TPRG1: variants seen among roughly 807,000 people sequenced by gnomAD.
TPRG1 encodes tumor protein p63 regulated 1.
A neutral mutation model predicts 29.3 loss-of-function variants in TPRG1; 29 were observed. The observed-to-expected ratio is 0.99, with a 90% CI of 0.74 to 1.35. The LOEUF (loss-of-function observed/expected upper bound fraction) is 1.35. Ranked by LOEUF, TPRG1 falls within the 40% of genes most tolerant of loss-of-function variation. The pLI is 0.00. For missense variants in TPRG1, 327 were observed against 335.0 expected, an observed-to-expected ratio of 0.98 and a Z score of 0.19; for synonymous variants, 130 against 116.8, an observed-to-expected ratio of 1.11 and a Z score of -0.73.
chr3:189,228,148 G>A (rs944830699), intron 3 of TPRG1, among the ~76,000 whole-genome samples: 14 of 152,034 alleles, frequency 9.2e-5, no homozygotes, highest in African/African-American at 2.9e-4. Context: ...CAACAACGAC[G>A]ACAACAACAA....
chr3:189,128,803 CTTG>C (rs1370857437), intron 2 of TPRG1, among the ~76,000 whole-genome samples: 1 of 152,126 alleles, frequency 6.6e-6, no homozygotes, highest in Admixed American at 6.5e-5. Flanking sequence ...GAGTTTCGCT[CTTG>C]TTGTCCAGGC....
intron 3 of TPRG1, among the ~76,000 whole-genome samples, chr3:189,236,035 A>T (rs958832525): frequency 6.6e-5 from 10 of 152,224 alleles, no homozygotes; most frequent in African/African-American, 2.4e-4. Context: ...GGAATATGCA[A>T]TTTAATGTTT....
At chr3:189,248,369 T>C (rs1741663721) in intron 4 of TPRG1, among the ~76,000 whole-genome samples, 2 of 151,860 alleles carry the variant, frequency 1.3e-5, no homozygotes, top group Admixed American at 6.6e-5. Context: ...GTGTGAGGAT[T>C]CTGTTAGCTA....
chr3:189,059,452 T>C (rs59679783), intron 4 of TPRG1, among the ~76,000 whole-genome samples: 5,456 of 151,756 alleles, frequency 0.036, 325 homozygotes, highest in African/African-American at 0.13. Context: ...ATTAGCTGGG[T>C]GTGGTGGCAT....
intron 4 of TPRG1, among the ~76,000 whole-genome samples, chr3:189,304,094 G>A (rs1721250595): frequency 6.9e-6 from 1 of 145,078 alleles, no homozygotes; most frequent in African/African-American, 2.6e-5. Flanking sequence ...TATTCATTAA[G>A]TTATCCCTTG....
intron 4 of TPRG1, among the ~76,000 whole-genome samples, chr3:189,249,918 C>T (rs898249796): frequency 6.6e-6 from 1 of 152,098 alleles, no homozygotes; most frequent in Admixed American, 6.6e-5. Flanking sequence ...AGAAAATATG[C>T]TTCCAGTTTA....
chr3:189,214,962 A>ATTTTATATATATATATATAT, intron 2 of TPRG1, among the ~76,000 whole-genome samples: 7 of 147,472 alleles, frequency 4.7e-5, no homozygotes, highest in African/African-American at 1.0e-4. Flanking sequence ...GGTTTAATTT[A>ATTTTATATATATATATATAT]AAAATGTACA....
intron 4 of TPRG1, among the ~76,000 whole-genome samples, chr3:189,252,463 C>G (rs966084825): frequency 2.0e-5 from 3 of 152,012 alleles, no homozygotes; most frequent in African/African-American, 7.2e-5. Context: ...AAATGGGAGC[C>G]CTAAATCTTA....
At chr3:189,156,272 G>GA (rs1726652474) in intron 5 of TPRG1, among the ~76,000 whole-genome samples, 1 of 151,548 alleles carries the variant, frequency 6.6e-6, no homozygotes, top group Admixed American at 6.6e-5. Flanking sequence ...TCTAGAAGCC[G>GA]AAAAAATCAA....
At position 189,320,698 on chromosome 3, in the gene TPRG1, G is replaced by T. The variant is rs766263563; in HGVS notation, c.706G>T (p.Gly236Ter). Reference protein sequence around the residue: ...AHKNSTGSGRGKKLMVLTEPI... With the variant: ...AHKNSTGSGR ...CAAGAATTCAACTGGATCTGGAAGA[G>T]GAAAGAAACTGATGGTGTTAACTGA... Residue 236 changes from glycine to a stop codon, truncating the protein, a stop_gained, in exon 6 of 6, where the codon GGA becomes TGA. Coordinates refer to ENST00000345063, the MANE Select transcript of TPRG1 (RefSeq NM_198485.4). LOFTEE classifies it high-confidence loss of function. The T allele has an allele frequency of 6.2e-7, 1 of 1,612,750 alleles. No homozygotes were observed. Among genetic ancestry groups the T allele is most frequent in the Non-Finnish European group, 8.5e-7 (1 of 1,179,322 alleles).
chr3:189,256,672 T>G (rs1384226355), intron 4 of TPRG1, among the ~76,000 whole-genome samples: 1 of 152,224 alleles, frequency 6.6e-6, no homozygotes, highest in Non-Finnish European at 1.5e-5. Context: ...GAACTTGCTT[T>G]ATGAATCTGG....
intron 5 of TPRG1, 37 bp from the exon 6 acceptor site, chr3:189,320,589 A>T: frequency 6.5e-7 from 1 of 1,549,228 alleles, no homozygotes; most frequent in African/African-American, 1.4e-5. Flanking sequence ...CTTAATCTAC[A>T]GTAACTAACT....
At chr3:189,021,247 G>T (rs1037811480) in intron 3 of TPRG1, among the ~76,000 whole-genome samples, 1 of 150,552 alleles carries the variant, frequency 6.6e-6, no homozygotes, top group Non-Finnish European at 1.5e-5. Context: ...AGTTAATATT[G>T]TTATGTGTGA....
upstream of TPRG1, among the ~76,000 whole-genome samples, chr3:189,171,797 G>GA (rs1296373714): frequency 6.6e-6 from 1 of 152,184 alleles, no homozygotes; most frequent in Non-Finnish European, 1.5e-5. Flanking sequence ...GGAGTTGGCA[G>GA]AAAAATGCAG....
intron 3 of TPRG1, among the ~76,000 whole-genome samples, chr3:189,234,841 A>C (rs1430056927): frequency 6.6e-6 from 1 of 152,224 alleles, no homozygotes; most frequent in African/African-American, 2.4e-5. Context: ...TAAGTGGGAA[A>C]TATGTGTGGT....
intron 1 of TPRG1, among the ~76,000 whole-genome samples, chr3:189,112,435 C>T (rs966369953): frequency 3.3e-5 from 5 of 152,174 alleles, no homozygotes; most frequent in Admixed American, 6.6e-5. Flanking sequence ...ATGTTTTAGA[C>T]GTGAAGTCCT....
At chr3:189,223,977 T>C (rs1238376209) in intron 3 of TPRG1, among the ~76,000 whole-genome samples, 1 of 152,142 alleles carries the variant, frequency 6.6e-6, no homozygotes, top group African/African-American at 2.4e-5. Context: ...CAGGGATAAA[T>C]AAGACACAGT....
Position 189,320,693 on chromosome 3 carries a change from G to A in TPRG1, c.701G>A (p.Gly234Glu), listed in dbSNP as rs1296603015. 1 of 1,612,684 alleles carries A rather than the reference G, an allele frequency of 6.2e-7. No homozygotes were observed. Among genetic ancestry groups the A allele is most frequent in the African/African-American group, 1.3e-5 (1 of 74,776 alleles). The change falls in exon 6 of 6, where the codon GGA (glycine) becomes GAA (glutamate). Residue 234 changes from glycine (G) to glutamate (E), a missense_variant. Transcript: ENST00000345063. ...GCCCACAAGAATTCAACTGGATCTG[G>A]AAGAGGAAAGAAACTGATGGTGTTA... The part of the protein sequence containing the change: ...QNAHKNSTGS[G>E]RGKKLMVLTE...
intron 1 of TPRG1, among the ~76,000 whole-genome samples, chr3:189,103,117 A>G (rs1400746379): frequency 6.6e-6 from 1 of 152,164 alleles, no homozygotes. Context: ...TTTGCCTCCA[A>G]ATACCTAGAG....
Sources: gnomAD v4.1 joint callset for allele counts (sites outside exome capture counted in the v4.1 genomes callset) on GRCh38, gnomAD v4.1.1 for gene constraint, MANE v1.5 for transcripts, NCBI Gene and HGNC (gene_info 2026-07-23, HGNC 2026-07-21) for gene names.